The following CHD1 variants were observed in gnomAD, a reference collection of about 807,000 sequenced individuals.
CHD1 encodes ATP-dependent chromatin remodeler CHD1.
Under a neutral mutation model 224.2 loss-of-function variants are expected in CHD1, and 36 were observed. The ratio of observed to expected loss-of-function variants is 0.16; its 90% confidence interval spans 0.12 to 0.21. The LOEUF (loss-of-function observed/expected upper bound fraction) is 0.21. Ranked by LOEUF, CHD1 falls within the 10% of genes least tolerant of loss-of-function variation. CHD1 has a pLI of 1.00. For missense variants in CHD1, 1,378 were observed against 1,994.8 expected, an observed-to-expected ratio of 0.69 and a Z score of 5.89; for synonymous variants, 668 against 658.3, an observed-to-expected ratio of 1.01 and a Z score of -0.23.
In CHD1 at chr5:98,929,004, A is replaced by AGGCGGGCG. The variant is rs921483928; in HGVS notation, c.-615_-614insCGCCCGCC. 6.6e-6 allele frequency: 1 copy of AGGCGGGCG among 150,964 alleles called. No homozygotes were observed. Among genetic ancestry groups the AGGCGGGCG allele is most frequent in the Non-Finnish European group, 1.5e-5 (1 of 67,730 alleles). The allele number at this position is 150,964 out of a possible 1,614,324, so 9.4% of individuals were successfully genotyped here. A position where few individuals can be genotyped will look rare whatever the true frequency, so the allele number is the denominator to read the frequency against. On this transcript the variant is annotated 5_prime_UTR_variant, in exon 1 of 36. Transcript: ENST00000614616. ...TCACTCCCCTTCCCGACAGAGCGCG[A>AGGCGGGCG]GGCGGGCGGGCGCGCGCACGCCGAA...
At chr5:98,900,688 C>G in intron 7 of CHD1, 123 bp downstream of exon 7, 1 of 802,944 alleles carries the variant, frequency 1.2e-6, no homozygotes. Context: ...TCTAGAACTC[C>G]TGATCCATCG....
intron 20 of CHD1, 24 bp downstream of exon 20, chr5:98,881,951 T>A: frequency 6.3e-7 from 1 of 1,599,442 alleles, no homozygotes; most frequent in Admixed American, 1.7e-5. Flanking sequence ...TAAAATGACA[T>A]TTTTTTAATA....
At chr5:98,875,200 T>C (rs1749661531) in intron 24 of CHD1, 87 bp from the exon 25 acceptor site, 2 of 747,366 alleles carry the variant, frequency 2.7e-6, no homozygotes, top group Non-Finnish European at 4.5e-6. Flanking sequence ...TATAAGAAAA[T>C]ACTTGTTAGT....
chr5:98,898,018 A>C (rs1481286638), intron 10 of CHD1, among the ~76,000 whole-genome samples: 1 of 151,374 alleles, frequency 6.6e-6, no homozygotes, highest in Admixed American at 6.6e-5. Flanking sequence ...AAGAAGATAC[A>C]TTGACGAAAA....
intron 1 of CHD1, 50 bp from the exon 2 acceptor site, chr5:98,926,584 T>C: frequency 2.6e-6 from 1 of 377,920 alleles, no homozygotes; most frequent in East Asian, 4.4e-5. Flanking sequence ...AGAAAAAAGG[T>C]AAATTAAGCC....
At chr5:98,858,098 G>T in intron 35 of CHD1, 82 bp downstream of exon 35, 2 of 1,041,246 alleles carry the variant, frequency 1.9e-6, no homozygotes, top group South Asian at 1.5e-5. Flanking sequence ...GATTGAATTG[G>T]CTGACAGGTC....
intron 2 of CHD1, among the ~76,000 whole-genome samples, chr5:98,909,019 A>C (rs544250779): frequency 6.6e-6 from 1 of 152,150 alleles, no homozygotes; most frequent in African/African-American, 2.4e-5. Context: ...ATTATCATGA[A>C]TCTATCACCC....
chr5:98,904,381 G>A (rs1033252967), intron 3 of CHD1, among the ~76,000 whole-genome samples: 1 of 152,304 alleles, frequency 6.6e-6, no homozygotes, highest in Admixed American at 6.5e-5. Context: ...GGTACTCTGA[G>A]TAACACTGTA....
intron 25 of CHD1, among the ~76,000 whole-genome samples, chr5:98,874,836 A>C (rs1749629929): frequency 6.6e-6 from 1 of 152,210 alleles, no homozygotes; most frequent in Admixed American, 6.5e-5. Flanking sequence ...ACCGTCATAA[A>C]AGTGCAATTT....
intron 22 of CHD1, 80 bp downstream of exon 22, chr5:98,880,994 GAA>G (rs1750134617): frequency 1.2e-6 from 1 of 828,126 alleles, no homozygotes; most frequent in Admixed American, 2.3e-5. Flanking sequence ...TATGCTTAAA[GAA>G]AGATTAACAA....
chr5:98,883,843 ATATATATATATATATATATTTTTTT>A lies in CHD1; in HGVS notation c.2569-631_2569-607del, dbSNP rs1750392254. On this transcript the variant is annotated intron_variant, in intron 18 of 35. Coordinates refer to ENST00000614616, the MANE Select transcript of CHD1 (RefSeq NM_001270.4). ...GGAGACTAAATATATATATATATAT[ATATATATATATATATATATTTTTTT>A]TTTTTTTTTTTTTTTTTGACAGAGT... The A allele has an allele frequency of 1.8e-4, 9 of 50,158 alleles. 1 individual carries two copies. The South Asian group carries it at 4.4e-3, about 25-fold the overall frequency. The allele number at this position is 50,158 out of a possible 1,614,324, so 3.1% of individuals were successfully genotyped here.
Position 98,892,691 on chromosome 5 carries a change from C to CA in CHD1, c.2013dup (p.Glu672Ter), listed in dbSNP as rs775539013. On this transcript the variant is annotated frameshift_variant, in exon 15 of 36. Coordinates refer to ENST00000614616, the MANE Select transcript of CHD1 (RefSeq NM_001270.4). LOFTEE classifies it high-confidence loss of function. Reference sequence around the variant, plus strand: ...TCTCTCCCTTTGCCATGTTCTTCTTCAAAATCTTCCCAGGAAGAAAACCTT... The same window carrying CA: ...TCTCTCCCTTTGCCATGTTCTTCTTCAAAAATCTTCCCAGGAAGAAAACCTT... 6.3e-7 allele frequency: 1 copy of CA among 1,590,172 alleles called. No individual in the cohort carries two copies. The highest frequency in any genetic ancestry group is 8.6e-7 in the Non-Finnish European group (1 of 1,167,594).
In CHD1 at chr5:98,856,638, A is replaced by G; in HGVS notation, c.4875T>C (p.Asp1625=). The G allele has an allele frequency of 3.7e-6, 6 of 1,613,752 alleles. No individual in the cohort carries two copies. The highest frequency in any genetic ancestry group is 4.2e-6 in the Non-Finnish European group (5 of 1,179,730). The part of the protein sequence containing the change: ...HRSNLEGSLK[D]RSHSDHRSHS... ...GAGAACGATGATCAGAATGAGATCT[A>G]TCTTTTAAACTTCCTTCCAAATTTG... The change falls in exon 36 of 36, where the codon GAT becomes GAC. Residue 1625 remains aspartate (D), a synonymous_variant. Transcript: ENST00000614616.
intron 15 of CHD1, among the ~76,000 whole-genome samples, chr5:98,891,774 G>A (rs1751035092): frequency 6.6e-6 from 1 of 152,146 alleles, no homozygotes; most frequent in African/African-American, 2.4e-5. Flanking sequence ...TTGTGCCACT[G>A]TACTCCAGCC....
Position 98,889,238 on chromosome 5 carries a change from T to A in CHD1, c.2181A>T (p.Lys727Asn). Residue 727 changes from lysine to asparagine, a missense_variant and splice_region_variant, in exon 16 of 36, where the codon AAA (lysine) becomes AAT (asparagine). Transcript: ENST00000614616. Reference protein sequence around the residue: ...EMSALQKQYYKWILTRNYKAL... With the variant: ...EMSALQKQYYNWILTRNYKAL... ...CTTTGTAATTCCTAGTTAAAATCCATCTTAAAAAAAAAAATTATGAAAACG... is the reference window on the plus strand; with the variant it reads ...CTTTGTAATTCCTAGTTAAAATCCAACTTAAAAAAAAAAATTATGAAAACG... 6.4e-7 allele frequency: 1 copy of A among 1,557,562 alleles called. No individual in the cohort carries two copies. The highest frequency in any genetic ancestry group is 8.6e-7 in the Non-Finnish European group (1 of 1,156,590).
At chr5:98,889,562 T>C (rs1322675663) in intron 15 of CHD1, among the ~76,000 whole-genome samples, 1 of 147,212 alleles carries the variant, frequency 6.8e-6, no homozygotes, top group East Asian at 1.9e-4. Flanking sequence ...TTTACTGCAT[T>C]AGACAGCTAA....
chr5:98,872,380 A>G, intron 27 of CHD1, 37 bp downstream of exon 27: 1 of 1,584,670 alleles, frequency 6.3e-7, no homozygotes, highest in South Asian at 1.2e-5. Context: ...ATTATTGAAT[A>G]ACAAAAATCT....
At chr5:98,923,087 T>A (rs1421090846) in intron 2 of CHD1, among the ~76,000 whole-genome samples, 1 of 152,230 alleles carries the variant, frequency 6.6e-6, no homozygotes, top group Admixed American at 6.5e-5. Flanking sequence ...GTTCACCTCC[T>A]CAGTCTTTTA....
chr5:98,874,286 G>C (rs1239268051), intron 25 of CHD1, among the ~76,000 whole-genome samples: 3 of 151,876 alleles, frequency 2.0e-5, no homozygotes, highest in African/African-American at 7.3e-5. Flanking sequence ...ACAACAAAGG[G>C]CAAAGAATAT....
Sources: gnomAD v4.1 joint callset for allele counts (sites outside exome capture counted in the v4.1 genomes callset) on GRCh38, gnomAD v4.1.1 for gene constraint, MANE v1.5 for transcripts, NCBI Gene and HGNC (gene_info 2026-07-23, HGNC 2026-07-21) for gene names.